The following SIDT2 variants were observed in gnomAD, a reference collection of about 807,000 sequenced individuals.
The protein encoded by SIDT2 is SID1 transmembrane family, member 2.
In SIDT2, 68 loss-of-function variants were observed where a neutral mutation model predicts 114.4. That is an observed-to-expected ratio of 0.59 (90% CI 0.49 to 0.73). The LOEUF (loss-of-function observed/expected upper bound fraction) is 0.73, where lower values mean the gene tolerates loss of function less well. Among genes scored for constraint, SIDT2 ranks in the 30% least tolerant of loss-of-function variants. SIDT2 has a pLI of 0.00. For missense variants in SIDT2, 918 were observed against 1,097.1 expected (o/e 0.84, Z 2.31); for synonymous variants, 470 against 438.4 (o/e 1.07, Z -0.90).
In SIDT2 at chr11:117,188,850, G is replaced by T. The variant is rs553678135; in HGVS notation, c.1278+24G>T. On this transcript the variant is annotated intron_variant, in intron 13 of 25. Transcript: ENST00000324225. This position sits in a 1 kb window ranked among gnomAD's most constrained non-coding sequence, Gnocchi z 4.0. ...AGGTCTGACCCGTGGGCCTGGCCTGGTCAGGCGTTTCCTGAGAAAGGGACA... is the reference window on the plus strand; with the variant it reads ...AGGTCTGACCCGTGGGCCTGGCCTGTTCAGGCGTTTCCTGAGAAAGGGACA... 1.2e-6 allele frequency: 2 copies of T among 1,602,564 alleles called. No individual in the cohort carries two copies. Among genetic ancestry groups the T allele is most frequent in the African/African-American group, 2.7e-5 (2 of 74,810 alleles).
At chr11:117,180,331 G>A (rs2030229629) in intron 1 of SIDT2, among the ~76,000 whole-genome samples, 1 of 152,124 alleles carries the variant, frequency 6.6e-6, no homozygotes, top group African/African-American at 2.4e-5. Context: ...TTTCTGCTTA[G>A]AGTCCTTTCT....
Position 117,196,063 on chromosome 11 carries a change from C to T in SIDT2, c.2496C>T (p.Phe832=). 1.9e-6 allele frequency: 3 copies of T among 1,614,250 alleles called. No homozygotes were observed. Among genetic ancestry groups the T allele is most frequent in the Non-Finnish European group, 2.5e-6 (3 of 1,180,048 alleles). The change falls in exon 26 of 26, where the codon TTC becomes TTT. Residue 832 remains phenylalanine, a synonymous_variant. Transcript: ENST00000324225. This position sits in a 1 kb window ranked among gnomAD's most constrained non-coding sequence, Gnocchi z 4.9. Reference sequence around the variant, plus strand: ...TGCAGCGGGACAAGATCTATGTCTTCTAGCAGGAGCTGGGCCCTTCGCTTC... The same window carrying T: ...TGCAGCGGGACAAGATCTATGTCTTTTAGCAGGAGCTGGGCCCTTCGCTTC... ...DTVQRDKIYV[F]
chr11:117,186,784 G>C (rs889373075), intron 10 of SIDT2, 148 bp downstream of exon 10: 2 of 944,462 alleles, frequency 2.1e-6, no homozygotes, highest in Admixed American at 4.4e-5. Context: ...ATGGGAATGA[G>C]GCTGGGATAT....
intron 1 of SIDT2, among the ~76,000 whole-genome samples, chr11:117,180,798 A>G (rs1307236706): frequency 3.9e-5 from 6 of 152,096 alleles, no homozygotes; most frequent in South Asian, 2.1e-4. Context: ...GGCCTCCCAA[A>G]GTGCTACAAG....
rs561284551 is a variant in SIDT2, at chr11:117,181,288, C to T, written c.184-128C>T. 15 of 1,356,360 alleles carry T rather than the reference C, an allele frequency of 1.1e-5. No individual in the cohort carries two copies. In the East Asian group the frequency reaches 3.7e-4, roughly 34 times the overall value. The allele number at this position is 1,356,360 out of a possible 1,614,324, so 84.0% of individuals were successfully genotyped here. On this transcript the variant is annotated intron_variant, in intron 1 of 25. Coordinates refer to ENST00000324225, the MANE Select transcript of SIDT2 (RefSeq NM_001040455.2). ...CTGGCAGAAGAAGAGGCAGAGATGA[C>T]TCCCTGGCCCGACCAAGATGGAGAA...
At chr11:117,185,343 C>T (rs11606672) in intron 8 of SIDT2, among the ~76,000 whole-genome samples, 15,150 of 152,068 alleles carry the variant, frequency 0.1, 1,022 homozygotes, top group African/African-American at 0.19. Context: ...CCACCGCGCC[C>T]GGCCAGGGTG....
Position 117,193,174 on chromosome 11 carries a change from G to A in SIDT2, c.2127G>A (p.Met709Ile). ...CCAGGGCTGCCTATGGGCTTATCAT[G>A]CGCCCCAATGATTTCGCTTCCTACT... ...NWSLAAYGLI[M>I]RPNDFASYLL... The change falls in exon 23 of 26, where the codon ATG becomes ATA. Residue 709 changes from methionine to isoleucine, a missense_variant. Transcript: ENST00000324225. 6.2e-7 allele frequency: 1 copy of A among 1,614,134 alleles called. No homozygotes were observed. Among genetic ancestry groups the A allele is most frequent in the South Asian group, 1.1e-5 (1 of 91,084 alleles).
chr11:117,187,339 C>A, intron 10 of SIDT2, 39 bp from the exon 11 acceptor site: 1 of 1,595,224 alleles, frequency 6.3e-7, no homozygotes, highest in Non-Finnish European at 8.6e-7. Context: ...AGGCCTCTCT[C>A]TTCGTCCAGT....
chr11:117,192,705 G>T lies in SIDT2; in HGVS notation c.2058+55G>T. On this transcript the variant is annotated intron_variant, in intron 21 of 25. Transcript: ENST00000324225. This position sits in a 1 kb window ranked among gnomAD's most constrained non-coding sequence, Gnocchi z 5.9. ...CCACATCTCCTTTCTTCCCTCTGAT[G>T]GGGGAGTGGGGCTGGGCTGAGGACC... The T allele has an allele frequency of 6.2e-7, 1 of 1,612,434 alleles. No individual in the cohort carries two copies. The highest frequency in any genetic ancestry group is 1.1e-5 in the South Asian group (1 of 91,060).
At position 117,192,078 on chromosome 11, in the gene SIDT2, G is replaced by A. The variant is rs1367652095; in HGVS notation, c.1872+64G>A. 32 of 1,604,096 alleles carry A rather than the reference G, an allele frequency of 2.0e-5. No homozygotes were observed. The highest frequency in any genetic ancestry group is 5.5e-5 in the South Asian group (5 of 90,420). On this transcript the variant is annotated intron_variant, in intron 19 of 25. Coordinates refer to ENST00000324225, the MANE Select transcript of SIDT2 (RefSeq NM_001040455.2). This position sits in a 1 kb window ranked among gnomAD's most constrained non-coding sequence, Gnocchi z 5.9. ...GAAAGGTGCACGTGCGTTCAGACAC[G>A]TAGTGCACACCCTCCGCCACCTCCT...
rs772877538 is a variant in SIDT2 at position 117,182,758 on chromosome 11, C to T, written c.654C>T (p.Phe218=). The change falls in exon 6 of 26, where the codon TTC becomes TTT. Residue 218 remains phenylalanine (F), a synonymous_variant. Coordinates refer to ENST00000324225, the MANE Select transcript of SIDT2 (RefSeq NM_001040455.2). ...ATGACCTGGACAACAACGTAGCCTT[C>T]ATCGGCATGTACCAGACGATGACCA... ...PVYDLDNNVA[F]IGMYQTMTKK... is the part of the protein sequence containing the mutation. 2 of 1,614,170 alleles carry T rather than the reference C, an allele frequency of 1.2e-6. No individual in the cohort carries two copies. The highest frequency in any genetic ancestry group is 1.7e-5 in the Admixed American group (1 of 60,020).
rs1251697968 is a variant in SIDT2 at position 117,183,764 on chromosome 11, A to T, written c.703-15A>T. On this transcript the variant is annotated splice_polypyrimidine_tract_variant and intron_variant, in intron 6 of 25. Coordinates refer to ENST00000324225, the MANE Select transcript of SIDT2 (RefSeq NM_001040455.2). ...GATGATGATGAAGAAGATATTTATCATCATCATCCTGCAGCGCAAAGACTT... is the reference window on the plus strand; with the variant it reads ...GATGATGATGAAGAAGATATTTATCTTCATCATCCTGCAGCGCAAAGACTT... The T allele has an allele frequency of 1.1e-5, 17 of 1,563,800 alleles. No homozygotes were observed. The highest frequency in any genetic ancestry group is 1.4e-5 in the Non-Finnish European group (16 of 1,134,904).
chr11:117,184,273 T>C, intron 8 of SIDT2, 134 bp downstream of exon 8: 1 of 824,120 alleles, frequency 1.2e-6, no homozygotes, highest in Non-Finnish European at 1.9e-6. Context: ...CGGGGAGTGT[T>C]CTTGGCAGGC....
In SIDT2 at chr11:117,192,238, G is replaced by C; in HGVS notation, c.1873-16G>C. 2 of 1,556,784 alleles carry C rather than the reference G, an allele frequency of 1.3e-6. No individual in the cohort carries two copies. Among genetic ancestry groups the C allele is most frequent in the Non-Finnish European group, 1.8e-6 (2 of 1,128,014 alleles). On this transcript the variant is annotated splice_polypyrimidine_tract_variant and intron_variant, in intron 19 of 25. Coordinates refer to ENST00000324225, the MANE Select transcript of SIDT2 (RefSeq NM_001040455.2). The surrounding 1 kb of genome is among the most constrained non-coding windows in gnomAD (Gnocchi z 5.9). ...CCTCTCCACCCTCACCGCTGCCCTT[G>C]GTGGCCTCCCGACAGGTCTTTGGCA... is the stretch of plus-strand genomic sequence containing the variant.
Position 117,186,713 on chromosome 11 carries a change from G to C in SIDT2, c.1015+77G>C, listed in dbSNP as rs2030509455. ...GGGGTGGTGGTGGATGGTTCCCTAG[G>C]GGGTTGGAGGAGGAAGGGCTGGGGG... On this transcript the variant is annotated intron_variant, in intron 10 of 25. Transcript: ENST00000324225. 23 of 1,391,684 alleles carry C rather than the reference G, an allele frequency of 1.7e-5. No individual in the cohort carries two copies. The South Asian group carries it at 2.9e-4, about 17-fold the overall frequency. The allele number at this position is 1,391,684 out of a possible 1,614,324, so 86.2% of individuals were successfully genotyped here.
chr11:117,192,892 TG>T lies in SIDT2; in HGVS notation c.2105+28del, dbSNP rs770127240. The T allele has an allele frequency of 1.9e-6, 3 of 1,613,922 alleles. No homozygotes were observed. In the African/African-American group the frequency reaches 4.0e-5, roughly 22 times the overall value. On this transcript the variant is annotated intron_variant, in intron 22 of 25. Transcript: ENST00000324225. This position sits in a 1 kb window ranked among gnomAD's most constrained non-coding sequence, Gnocchi z 5.9. Reference sequence around the variant, plus strand: ...GTGAGTATGGTCAGCAGTAGTGGCCTGGTTGGGTGGACAGCTGGGGACTCGG... The same window carrying T: ...GTGAGTATGGTCAGCAGTAGTGGCCTGTTGGGTGGACAGCTGGGGACTCGG...
In SIDT2 at chr11:117,190,434, C is replaced by G; in HGVS notation, c.1617+145C>G. On this transcript the variant is annotated intron_variant, in intron 17 of 25. Coordinates refer to ENST00000324225, the MANE Select transcript of SIDT2 (RefSeq NM_001040455.2). The surrounding 1 kb of genome is among the most constrained non-coding windows in gnomAD (Gnocchi z 4.1). ...TTCTGTCTGGCCCACCCTATCCAGCCCAGCCTGCCCCACCCTGCCCTGCCC... is the reference window on the plus strand; with the variant it reads ...TTCTGTCTGGCCCACCCTATCCAGCGCAGCCTGCCCCACCCTGCCCTGCCC... The G allele has an allele frequency of 7.3e-7, 1 of 1,367,268 alleles. No individual in the cohort carries two copies. The highest frequency in any genetic ancestry group is 9.7e-7 in the Non-Finnish European group (1 of 1,027,882). 84.7% of individuals were successfully genotyped at this position (1,367,268 alleles called of 1,614,324 possible).
intron 2 of SIDT2, 34 bp from the exon 3 acceptor site, chr11:117,181,773 T>C: frequency 6.2e-7 from 1 of 1,613,630 alleles, no homozygotes; most frequent in Non-Finnish European, 8.5e-7. Context: ...GCTGGGACAG[T>C]GCTCACATCC....
intron 24 of SIDT2, among the ~76,000 whole-genome samples, chr11:117,194,412 CCA>C (rs2030816520): frequency 6.6e-6 from 1 of 152,226 alleles, no homozygotes; most frequent in South Asian, 2.1e-4. Context: ...GGAGATAGCT[CCA>C]GTTTACTTAC....
Sources: gnomAD v4.1 joint callset for allele counts (sites outside exome capture counted in the v4.1 genomes callset) on GRCh38, gnomAD v4.1.1 for gene constraint, Gnocchi (gnomAD v3.1) non-coding constraint, MANE v1.5 for transcripts, NCBI Gene and HGNC (gene_info 2026-07-23, HGNC 2026-07-21) for gene names.